SYNPO2: variants seen among roughly 807,000 people sequenced by gnomAD.
SYNPO2 encodes synaptopodin-2.
A neutral mutation model predicts 85.0 loss-of-function variants in SYNPO2; 56 were observed. That is an observed-to-expected ratio of 0.66 (90% CI 0.53 to 0.82). The LOEUF (loss-of-function observed/expected upper bound fraction) is 0.82, where lower values mean the gene tolerates loss of function less well. Ranked by LOEUF, SYNPO2 falls within the 40% of genes least tolerant of loss-of-function variation. The probability of loss-of-function intolerance (pLI) is 0.00; values close to 1 mark genes in which losing one functional copy is unlikely to be tolerated. For missense variants in SYNPO2, 1,575 were observed against 1,534.2 expected, an observed-to-expected ratio of 1.03 and a Z score of -0.44; for synonymous variants, 602 against 591.1, an observed-to-expected ratio of 1.02 and a Z score of -0.27.
Position 119,036,960 on chromosome 4 carries a change from G to A in SYNPO2, c.3252+4933G>A, listed in dbSNP as rs1473875216. On this transcript the variant is annotated intron_variant, in intron 4 of 4. Transcript: ENST00000307142. The stretch of plus-strand genomic sequence containing the variant: ...AGGGGAGAAAGCTAGACTCCTACAG[G>A]GTCCTAGAGTTTAAGTAATTTTTTT... 4 of 1,255,140 alleles carry A rather than the reference G, an allele frequency of 3.2e-6. No homozygotes were observed. The African/African-American group carries it at 6.1e-5, about 19-fold the overall frequency. The allele number at this position is 1,255,140 out of a possible 1,614,324, so 77.8% of individuals were successfully genotyped here.
chr4:118,908,052 T>G (rs1475855970), intron 1 of SYNPO2, among the ~76,000 whole-genome samples: 1 of 152,198 alleles, frequency 6.6e-6, no homozygotes, highest in African/African-American at 2.4e-5. Context: ...GTAGGTTATT[T>G]CTAATTTTTA....
intron 1 of SYNPO2, among the ~76,000 whole-genome samples, chr4:118,856,102 T>C (rs1468685785): frequency 1.3e-5 from 2 of 152,222 alleles, no homozygotes; most frequent in African/African-American, 4.8e-5. Flanking sequence ...GATTTGCATT[T>C]ATACCTGGCC....
chr4:118,921,939 T>C (rs1733554032), intron 1 of SYNPO2, among the ~76,000 whole-genome samples: 1 of 152,146 alleles, frequency 6.6e-6, no homozygotes, highest in Admixed American at 6.6e-5. Flanking sequence ...CATCTCAGTG[T>C]TTTTATAATA....
At chr4:118,980,973 A>G (rs1471885165) in intron 1 of SYNPO2, among the ~76,000 whole-genome samples, 1 of 152,202 alleles carries the variant, frequency 6.6e-6, no homozygotes, top group African/African-American at 2.4e-5. Context: ...CTGATTCTCA[A>G]TCTCAAGTTA....
intron 1 of SYNPO2, among the ~76,000 whole-genome samples, chr4:118,965,490 C>A (rs1735279361): frequency 6.6e-6 from 1 of 152,162 alleles, no homozygotes; most frequent in Admixed American, 6.5e-5. Flanking sequence ...CCCCCAAATT[C>A]AAATCCAGGC....
intron 1 of SYNPO2, among the ~76,000 whole-genome samples, chr4:119,010,458 C>G (rs1737250262): frequency 6.6e-6 from 1 of 152,164 alleles, no homozygotes; most frequent in Non-Finnish European, 1.5e-5. Context: ...ACCATGAGAA[C>G]AATATGGGGG....
At chr4:118,895,534 C>T (rs1246733554) in intron 1 of SYNPO2, among the ~76,000 whole-genome samples, 1 of 152,072 alleles carries the variant, frequency 6.6e-6, no homozygotes, top group Non-Finnish European at 1.5e-5. Flanking sequence ...TGCACAGTCC[C>T]CTAACACAGG....
At chr4:118,904,912 G>A (rs180720405) in intron 1 of SYNPO2, among the ~76,000 whole-genome samples, 64 of 152,296 alleles carry the variant, frequency 4.2e-4, no homozygotes, top group Admixed American at 4.6e-4. Flanking sequence ...ATTGACTTGT[G>A]TAAATATTAT....
chr4:119,027,507 T>G (rs772881915), intron 3 of SYNPO2, 69 bp downstream of exon 3: 27 of 1,384,150 alleles, frequency 2.0e-5, no homozygotes, highest in Non-Finnish European at 2.6e-5. Context: ...TTTGCTTGCA[T>G]GAGTTTTTCA....
chr4:119,046,797 C>T (rs1373261364), intron 4 of SYNPO2, among the ~76,000 whole-genome samples: 2 of 152,208 alleles, frequency 1.3e-5, no homozygotes, highest in African/African-American at 2.4e-5. Context: ...ATGTGACATC[C>T]AAGTTTCCAT....
intron 1 of SYNPO2, among the ~76,000 whole-genome samples, chr4:118,864,448 T>G (rs184108755): frequency 6.6e-6 from 1 of 152,376 alleles, no homozygotes; most frequent in African/African-American, 2.4e-5. Flanking sequence ...AAATATCTAT[T>G]AGGTCCATTT....
chr4:118,927,799 T>A (rs28656174), intron 1 of SYNPO2, among the ~76,000 whole-genome samples: 79 of 151,958 alleles, frequency 5.2e-4, no homozygotes, highest in African/African-American at 1.8e-3. Context: ...GATAGATAGA[T>A]AGATAGATAT....
chr4:118,905,123 A>G (rs1732890226), intron 1 of SYNPO2, among the ~76,000 whole-genome samples: 1 of 152,184 alleles, frequency 6.6e-6, no homozygotes, highest in Non-Finnish European at 1.5e-5. Context: ...CATGTTGACT[A>G]GGTTACTGTG....
upstream of SYNPO2, among the ~76,000 whole-genome samples, chr4:118,888,196 T>A (rs1237548301): frequency 1.3e-5 from 2 of 152,198 alleles, no homozygotes; most frequent in Non-Finnish European, 2.9e-5. Flanking sequence ...AAATTTAACA[T>A]ACCCAAAACT....
At chr4:119,040,299 G>C (rs1738666906) in intron 4 of SYNPO2, among the ~76,000 whole-genome samples, 1 of 152,184 alleles carries the variant, frequency 6.6e-6, no homozygotes, top group African/African-American at 2.4e-5. Flanking sequence ...AACTAAAATA[G>C]GAAAAGTAGA....
intron 1 of SYNPO2, among the ~76,000 whole-genome samples, chr4:118,971,352 G>T (rs1735534886): frequency 6.6e-6 from 1 of 152,194 alleles, no homozygotes; most frequent in Non-Finnish European, 1.5e-5. Context: ...GACAGCAGAG[G>T]ACTGGGCAAC....
At chr4:119,033,999 G>T in intron 4 of SYNPO2, 1 of 985,390 alleles carries the variant, frequency 1.0e-6, no homozygotes, top group Non-Finnish European at 1.2e-6. Flanking sequence ...TTACCTAGAG[G>T]TTACAACCAC....
intron 4 of SYNPO2, among the ~76,000 whole-genome samples, chr4:119,040,585 T>C (rs1738677204): frequency 1.3e-5 from 2 of 152,204 alleles, no homozygotes; most frequent in Non-Finnish European, 2.9e-5. Flanking sequence ...AGACACTGTT[T>C]TCAGTTCAAA....
At chr4:118,871,213 C>T (rs1478926289) in intron 1 of SYNPO2, among the ~76,000 whole-genome samples, 2 of 152,148 alleles carry the variant, frequency 1.3e-5, no homozygotes, top group African/African-American at 2.4e-5. Context: ...TTGGAGTAGC[C>T]AACCTTCCTC....
Sources: gnomAD v4.1 joint callset for allele counts (sites outside exome capture counted in the v4.1 genomes callset) on GRCh38, gnomAD v4.1.1 for gene constraint, MANE v1.5 for transcripts, NCBI Gene and HGNC (gene_info 2026-07-23, HGNC 2026-07-21) for gene names.